Variants in CCNY observed in about 807,000 individuals in gnomAD.
CCNY encodes cyclin-Y.
In CCNY, 19 loss-of-function variants were observed where a neutral mutation model predicts 42.8. That is an observed-to-expected ratio of 0.44 (90% CI 0.31 to 0.65). CCNY has a LOEUF of 0.65. Ranked by LOEUF, CCNY falls within the 30% of genes least tolerant of loss-of-function variation. The pLI is 0.07. For missense variants in CCNY, 370 were observed against 437.3 expected (o/e 0.85, Z 1.37); for synonymous variants, 165 against 162.7 (o/e 1.01, Z -0.11).
Position 35,539,008 on chromosome 10 carries a change from A to C in CCNY, c.579+8765A>C, listed in dbSNP as rs185642344. On this transcript the variant is annotated intron_variant, in intron 7 of 9. Transcript: ENST00000374704. ...GTGCATTTGGATATCCAGTTGTCCCAGTGCCTTTATCCTTTCCCCATTGAA... is the reference window on the plus strand; with the variant it reads ...GTGCATTTGGATATCCAGTTGTCCCCGTGCCTTTATCCTTTCCCCATTGAA... Among the ~76,000 whole-genome samples the C allele has an allele frequency of 4.0e-4, 61 of 152,210 alleles. 3 individuals carry two copies. Among genetic ancestry groups the C allele is most frequent in the Admixed American group, 4.0e-3 (61 of 15,286 alleles).
At chr10:35,418,376 C>T (rs1461595836) in intron 1 of CCNY, among the ~76,000 whole-genome samples, 3 of 152,174 alleles carry the variant, frequency 2.0e-5, no homozygotes, top group Non-Finnish European at 4.4e-5. Flanking sequence ...CTGCAAAGCT[C>T]TCTTCTACCA....
intron 1 of CCNY, among the ~76,000 whole-genome samples, chr10:35,442,010 C>T (rs186683244): frequency 1.6e-4 from 24 of 152,246 alleles, no homozygotes; most frequent in Middle Eastern, 6.8e-3. Context: ...TTAGTTAAAA[C>T]GATGACATAA....
At chr10:35,303,134 A>G (rs1207560593) in intron 3 of CCNY, among the ~76,000 whole-genome samples, 5 of 152,106 alleles carry the variant, frequency 3.3e-5, no homozygotes, top group African/African-American at 1.2e-4. Flanking sequence ...GGCTGCAGTG[A>G]GCCATGACTG....
intron 2 of CCNY, among the ~76,000 whole-genome samples, chr10:35,494,835 G>A (rs970478557): frequency 7.9e-5 from 12 of 152,102 alleles, no homozygotes; most frequent in African/African-American, 2.4e-4. Context: ...TGCTTGCTTT[G>A]TATATATGCG....
chr10:35,438,149 C>CTTT, intron 1 of CCNY, among the ~76,000 whole-genome samples: 1 of 137,684 alleles, frequency 7.3e-6, no homozygotes, highest in African/African-American at 2.7e-5. Context: ...CTTCAGAGTT[C>CTTT]TTTTTTTTTT....
chr10:35,419,533 C>CTTTTTTTTTTTGTTTTTTTTTTTT (rs1838109276), intron 1 of CCNY, among the ~76,000 whole-genome samples: 1 of 129,686 alleles, frequency 7.7e-6, no homozygotes. Flanking sequence ...TAGACCGTTC[C>CTTTTTTTTTTTGTTTTTTTTTTTT]TTTTTTTTTT....
intron 7 of CCNY, among the ~76,000 whole-genome samples, chr10:35,544,763 A>G (rs947264661): frequency 1.3e-5 from 2 of 152,200 alleles, no homozygotes; most frequent in Admixed American, 6.5e-5. Flanking sequence ...TGGGAATGCT[A>G]GGAGCCCTCC....
chr10:35,341,016 C>T (rs557824731), intron 1 of CCNY, among the ~76,000 whole-genome samples: 220 of 152,324 alleles, frequency 1.4e-3, no homozygotes, highest in Middle Eastern at 3.4e-3. Flanking sequence ...CCCTTGCCTG[C>T]TCCAGTCTGT....
rs146468754 is a variant in CCNY at position 35,557,098 on chromosome 10, G to A, written c.746+3913G>A. Among the ~76,000 whole-genome samples the A allele has an allele frequency of 5.3e-5, 8 of 152,086 alleles. No homozygotes were observed. The East Asian group carries it at 1.4e-3, about 26-fold the overall frequency. On this transcript the variant is annotated intron_variant, in intron 8 of 9. Transcript: ENST00000374704. Reference sequence around the variant, plus strand: ...TGACCTTAGGTGATCTGCCCACCTCGGCCTTAATTTGAAAATTTTTATCCC... The same window carrying A: ...TGACCTTAGGTGATCTGCCCACCTCAGCCTTAATTTGAAAATTTTTATCCC...
intron 3 of CCNY, among the ~76,000 whole-genome samples, chr10:35,502,728 A>T (rs1055244620): frequency 1.3e-5 from 2 of 152,178 alleles, no homozygotes; most frequent in African/African-American, 4.8e-5. Flanking sequence ...TGTCATGAGG[A>T]AAATATGAAA....
intron 1 of CCNY, among the ~76,000 whole-genome samples, chr10:35,356,917 CAG>C (rs772094946): frequency 6.6e-6 from 1 of 152,164 alleles, no homozygotes; most frequent in Non-Finnish European, 1.5e-5. Context: ...CCCCGTGGCT[CAG>C]AGTCATTGGT....
At chr10:35,547,286 C>A (rs889860697) in intron 7 of CCNY, among the ~76,000 whole-genome samples, 2 of 152,144 alleles carry the variant, frequency 1.3e-5, no homozygotes, top group African/African-American at 4.8e-5. Flanking sequence ...ATGAAAATCT[C>A]CAAAAATTGA....
chr10:35,506,656 C>T (rs1480960656), intron 3 of CCNY, among the ~76,000 whole-genome samples: 2 of 152,100 alleles, frequency 1.3e-5, no homozygotes, highest in Admixed American at 6.6e-5. Context: ...ACAGGGCAGC[C>T]GACAGGTGGA....
chr10:35,315,448 C>A (rs542980391), intron 3 of CCNY: 1 of 152,288 alleles, frequency 6.6e-6, no homozygotes, highest in East Asian at 1.9e-4. Flanking sequence ...TAATCTCATT[C>A]TTTTTTATGG....
At position 35,253,874 on chromosome 10, in the gene CCNY, G is replaced by GT. The variant is rs34396120; in HGVS notation, c.-9+3267dup. ...AATATCCTCAACTGTTTGAGCAACT[G>GT]TTTTTTTTTTTTTTTTTTTGAGACG... On this transcript the variant is annotated intron_variant, in intron 3 of 11. Transcript: ENST00000374706. Among the ~76,000 whole-genome samples, 456 of 129,264 alleles carry GT rather than the reference G, an allele frequency of 3.5e-3. 3 individuals carry two copies. Among genetic ancestry groups the GT allele is most frequent in the Non-Finnish European group, 3.9e-3 (238 of 61,166 alleles). The allele number at this position is 129,264 out of a possible 152,430, so 84.8% of individuals were successfully genotyped here.
intron 3 of CCNY, among the ~76,000 whole-genome samples, chr10:35,307,766 G>A (rs368007830): frequency 0.19 from 14,875 of 77,984 alleles, 1,126 homozygotes; most frequent in East Asian, 0.36. Context: ...ATATATGTGT[G>A]TGTGTGTGTG....
At chr10:35,359,791 C>T (rs1836642265) in intron 1 of CCNY, among the ~76,000 whole-genome samples, 1 of 152,330 alleles carries the variant, frequency 6.6e-6, no homozygotes, top group East Asian at 1.9e-4. Flanking sequence ...TTCCTCATCC[C>T]CCCAGATCCT....
At chr10:35,483,537 GT>G in intron 2 of CCNY, 59 bp downstream of exon 2, 1 of 1,059,876 alleles carries the variant, frequency 9.4e-7, no homozygotes, top group South Asian at 1.3e-5. Flanking sequence ...ACTTCGCCTA[GT>G]GTTGATTTCC....
chr10:35,529,874 A>C, intron 5 of CCNY, 99 bp from the exon 6 acceptor site: 1 of 1,044,792 alleles, frequency 9.6e-7, no homozygotes, highest in Non-Finnish European at 1.4e-6. Flanking sequence ...CGTATCCCAA[A>C]AAAAAAAAAA....
Sources: allele counts gnomAD v4.1 joint callset (sites outside exome capture counted in the v4.1 genomes callset), GRCh38; gene constraint gnomAD v4.1.1; transcripts MANE v1.5; gene names NCBI Gene and HGNC (gene_info 2026-07-23, HGNC 2026-07-21).